The following JAZF1 variants were observed in gnomAD, a reference collection of about 807,000 sequenced individuals.
The protein encoded by JAZF1 is JAZF zinc finger 1, also known as juxtaposed with another zinc finger protein 1.
A neutral mutation model predicts 26.4 loss-of-function variants in JAZF1; 8 were observed. That is an observed-to-expected ratio of 0.30 (90% CI 0.18 to 0.55). JAZF1 has a LOEUF of 0.55. Among genes scored for constraint, JAZF1 ranks in the 20% least tolerant of loss-of-function variants. JAZF1 has a pLI of 0.94. For missense variants in JAZF1, 199 were observed against 322.0 expected (o/e 0.62, Z 2.92); for synonymous variants, 126 against 122.3 (o/e 1.03, Z -0.20).
intron 1 of JAZF1, among the ~76,000 whole-genome samples, chr7:28,165,687 G>A (rs1783357479): frequency 6.6e-6 from 1 of 152,084 alleles, no homozygotes; most frequent in East Asian, 1.9e-4. Flanking sequence ...CCTTCATTGA[G>A]CTTCACTGAA....
chr7:28,065,771 C>G (rs1783871070), intron 1 of JAZF1, among the ~76,000 whole-genome samples: 1 of 151,972 alleles, frequency 6.6e-6, no homozygotes, highest in African/African-American at 2.4e-5. Flanking sequence ...TATATTTGTC[C>G]TTCTTTTTAA....
intron 2 of JAZF1, among the ~76,000 whole-genome samples, chr7:27,932,427 A>T (rs1023274168): frequency 6.6e-6 from 1 of 152,212 alleles, no homozygotes; most frequent in African/African-American, 2.4e-5. Context: ...GACTGTTGGT[A>T]TGTAAAGCCA....
chr7:28,176,055 T>C (rs1382135236), intron 1 of JAZF1, among the ~76,000 whole-genome samples: 1 of 152,200 alleles, frequency 6.6e-6, no homozygotes, highest in Non-Finnish European at 1.5e-5. Context: ...ATCTATACTA[T>C]GAAATGAAGC....
chr7:27,939,981 G>A (rs1784818275), intron 2 of JAZF1, among the ~76,000 whole-genome samples: 1 of 152,178 alleles, frequency 6.6e-6, no homozygotes, highest in Non-Finnish European at 1.5e-5. Context: ...TGGCCAGTGA[G>A]GAGGGTTCTG....
At chr7:27,865,722 G>A (rs571914630) in intron 3 of JAZF1, among the ~76,000 whole-genome samples, 4 of 152,020 alleles carry the variant, frequency 2.6e-5, no homozygotes, top group East Asian at 1.9e-4. Flanking sequence ...AAGTTTAACC[G>A]GGGAGCAGAG....
chr7:27,953,454 G>A (rs192490339), intron 2 of JAZF1, among the ~76,000 whole-genome samples: 68 of 152,276 alleles, frequency 4.5e-4, no homozygotes, highest in Non-Finnish European at 8.7e-4. Context: ...GACAAATCTA[G>A]CCCTCTGACT....
intron 1 of JAZF1, among the ~76,000 whole-genome samples, chr7:28,067,648 C>T (rs1056809043): frequency 1.3e-5 from 2 of 152,110 alleles, no homozygotes; most frequent in Admixed American, 1.3e-4. Flanking sequence ...GAAAAAATGA[C>T]GAAGAAGGTA....
At chr7:28,136,679 T>C (rs1385229057) in intron 1 of JAZF1, among the ~76,000 whole-genome samples, 1 of 152,238 alleles carries the variant, frequency 6.6e-6, no homozygotes, top group African/African-American at 2.4e-5. Context: ...AGAGTCTTTG[T>C]CCTTACGGAG....
chr7:28,016,166 C>A (rs1782887673), intron 1 of JAZF1, among the ~76,000 whole-genome samples: 1 of 152,082 alleles, frequency 6.6e-6, no homozygotes, highest in Non-Finnish European at 1.5e-5. Flanking sequence ...GACTGGACTG[C>A]CCTTGGTCAG....
At chr7:27,857,284 C>T (rs529660953) in intron 3 of JAZF1, among the ~76,000 whole-genome samples, 6 of 152,312 alleles carry the variant, frequency 3.9e-5, no homozygotes, top group South Asian at 4.1e-4. Context: ...CTGGGGCTTG[C>T]GGGCTGGCTG....
chr7:27,896,734 T>TAA (rs1381808242), intron 2 of JAZF1, among the ~76,000 whole-genome samples: 2 of 152,236 alleles, frequency 1.3e-5, no homozygotes, highest in African/African-American at 2.4e-5. Context: ...GTAATACTGT[T>TAA]ACGCTGTCTT....
chr7:27,904,479 A>C (rs1023029207), intron 2 of JAZF1, among the ~76,000 whole-genome samples: 1 of 152,218 alleles, frequency 6.6e-6, no homozygotes, highest in Admixed American at 6.5e-5. Context: ...TGATCTGGGA[A>C]CTTAATAAAT....
intron 3 of JAZF1, among the ~76,000 whole-genome samples, chr7:27,888,519 GCC>G (rs1783910873): frequency 6.6e-6 from 1 of 152,114 alleles, no homozygotes; most frequent in Non-Finnish European, 1.5e-5. Context: ...GCTTCTAAAT[GCC>G]AAGCAAAATT....
At chr7:28,024,461 C>T (rs938408568) in intron 1 of JAZF1, among the ~76,000 whole-genome samples, 14 of 152,154 alleles carry the variant, frequency 9.2e-5, no homozygotes, top group African/African-American at 3.4e-4. Flanking sequence ...GAGGTATGCA[C>T]ATACATAACC....
intron 4 of JAZF1, among the ~76,000 whole-genome samples, chr7:27,837,833 C>G (rs995560180): frequency 6.6e-6 from 1 of 152,148 alleles, no homozygotes; most frequent in African/African-American, 2.4e-5. Context: ...TGCTCTCCCT[C>G]TGTGTGCCTC....
chr7:28,014,282 G>GC (rs1373603878), intron 1 of JAZF1, among the ~76,000 whole-genome samples: 1 of 152,170 alleles, frequency 6.6e-6, no homozygotes, highest in African/African-American at 2.4e-5. Context: ...CATCACCCAA[G>GC]CCATTGAACA....
intron 1 of JAZF1, among the ~76,000 whole-genome samples, chr7:28,020,958 ATTT>A (rs1782997496): frequency 6.6e-6 from 1 of 152,164 alleles, no homozygotes; most frequent in South Asian, 2.1e-4. Flanking sequence ...TCAAAATTAA[ATTT>A]CTTTTCACAA....
At chr7:27,983,184 G>A (rs1785623298) in intron 2 of JAZF1, among the ~76,000 whole-genome samples, 1 of 152,158 alleles carries the variant, frequency 6.6e-6, no homozygotes, top group South Asian at 2.1e-4. Context: ...CCATGGCAAA[G>A]AAGCTAAAAC....
chr7:27,979,257 T>C (rs1217064084), intron 2 of JAZF1, among the ~76,000 whole-genome samples: 1 of 151,988 alleles, frequency 6.6e-6, no homozygotes, highest in Admixed American at 6.6e-5. Flanking sequence ...ATGCTATATA[T>C]ATATTTTTAA....
Sources: gnomAD v4.1 joint callset for allele counts (sites outside exome capture counted in the v4.1 genomes callset) on GRCh38, gnomAD v4.1.1 for gene constraint, MANE v1.5 for transcripts, NCBI Gene and HGNC (gene_info 2026-07-23, HGNC 2026-07-21) for gene names.